Variants in AMD1 observed in about 807,000 individuals in gnomAD.
The protein encoded by AMD1 is S-adenosylmethionine decarboxylase proenzyme.
AMD1 carries 11 observed loss-of-function variants against 40.2 expected under a neutral mutation model. The observed-to-expected ratio is 0.27, with a 90% CI of 0.17 to 0.45. AMD1 has a LOEUF of 0.45. Ranked by LOEUF, AMD1 falls within the 20% of genes least tolerant of loss-of-function variation. AMD1 has a pLI of 1.00. For missense variants in AMD1, 257 were observed against 410.2 expected (o/e 0.63, Z 3.23); for synonymous variants, 121 against 130.8 (o/e 0.93, Z 0.51).
the AMD1 span, chr6:110,856,296 C>A: frequency 4.0e-5 from 6 of 151,718 alleles, no homozygotes; most frequent in African/African-American, 9.7e-5. Context: ...ATGCATACAT[C>A]AAAAAAAATG....
At chr6:110,829,614 A>G in the AMD1 span, among the ~76,000 whole-genome samples, 1 of 151,958 alleles carries the variant, frequency 6.6e-6, no homozygotes. Context: ...GCTTGCAGTG[A>G]GCTGAGATCG....
At chr6:110,871,583 G>A (rs149437756), upstream of AMD1, among the ~76,000 whole-genome samples, 3 of 152,322 alleles carry the variant, frequency 2.0e-5, no homozygotes, top group Non-Finnish European at 1.5e-5. Flanking sequence ...GTAAAGGGTG[G>A]ACCATAAAGA....
the AMD1 span, among the ~76,000 whole-genome samples, chr6:110,838,310 A>ATTGCTTGAT: frequency 6.6e-6 from 1 of 151,200 alleles, no homozygotes; most frequent in Non-Finnish European, 1.5e-5. Flanking sequence ...AATCGCTTGA[A>ATTGCTTGAT]CCCAGGAGGT....
intron 3 of AMD1, 90 bp from the exon 4 acceptor site, chr6:110,890,164 A>T (rs1463881092): frequency 1.0e-6 from 1 of 958,564 alleles, no homozygotes; most frequent in Non-Finnish European, 1.5e-6. Flanking sequence ...AGTTTTTGAT[A>T]TGTGGACAAT....
the AMD1 span, among the ~76,000 whole-genome samples, chr6:110,844,304 T>G: frequency 6.6e-6 from 1 of 151,236 alleles, no homozygotes; most frequent in Admixed American, 6.6e-5. Flanking sequence ...ATTACAGGCA[T>G]GTGCCACAAT....
At chr6:110,875,253 G>A in intron 1 of AMD1, 38 bp downstream of exon 1, 2 of 1,520,814 alleles carry the variant, frequency 1.3e-6, no homozygotes, top group Admixed American at 1.9e-5. Flanking sequence ...CCGGGCCTGG[G>A]GGCTGTCGCC....
At chr6:110,822,110 C>T in the AMD1 span, among the ~76,000 whole-genome samples, 3 of 152,034 alleles carry the variant, frequency 2.0e-5, no homozygotes, top group Non-Finnish European at 4.4e-5. Flanking sequence ...CAGTGGCTCA[C>T]TCCTGTAATC....
chr6:110,882,096 A>G (rs1562336268), intron 1 of AMD1, among the ~76,000 whole-genome samples: 4 of 152,222 alleles, frequency 2.6e-5, no homozygotes, highest in South Asian at 4.1e-4. Context: ...CAAGACCACT[A>G]TCACTACTGA....
chr6:110,892,325 A>G lies in AMD1; in HGVS notation c.497A>G (p.Glu166Gly). ...CWYLYTLDFP[E>G]SRVISQPDQT... ...TACTTATATACTCTGGATTTCCCAG[A>G]GAGTCGGGTAATCAGTCAGCCAGAT... Residue 166 changes from glutamate (E) to glycine (G), a missense_variant, in exon 6 of 9, where the codon GAG (glutamate) becomes GGG (glycine). Around this residue, in one of 3 missense-constraint regions of AMD1, gnomAD observed 192 missense variants for 296.5 expected, o/e 0.65. Transcript: ENST00000368885. 3 of 1,613,706 alleles carry G rather than the reference A, an allele frequency of 1.9e-6. No homozygotes were observed. Among genetic ancestry groups the G allele is most frequent in the Non-Finnish European group, 2.5e-6 (3 of 1,180,018 alleles).
At chr6:110,849,307 T>C in the AMD1 span, among the ~76,000 whole-genome samples, 1 of 152,256 alleles carries the variant, frequency 6.6e-6, no homozygotes, top group Non-Finnish European at 1.5e-5. Context: ...CCACCTACAG[T>C]AAAAAGGACT....
chr6:110,842,309 G>C, the AMD1 span, among the ~76,000 whole-genome samples: 3 of 152,186 alleles, frequency 2.0e-5, no homozygotes, highest in African/African-American at 7.2e-5. Context: ...TCCAGACCAG[G>C]GGGCAGATAT....
the AMD1 span, among the ~76,000 whole-genome samples, chr6:110,864,918 C>A: frequency 6.6e-6 from 1 of 152,334 alleles, no homozygotes; most frequent in Admixed American, 6.5e-5. Flanking sequence ...CAAACTTAAA[C>A]ATCCACTCCT....
the AMD1 span, among the ~76,000 whole-genome samples, chr6:110,817,719 A>T: frequency 1.3e-5 from 2 of 152,356 alleles, no homozygotes; most frequent in African/African-American, 4.8e-5. Flanking sequence ...CCATTGGGGA[A>T]TTAAACCTGA....
At chr6:110,860,811 A>AAAAAC in the AMD1 span, among the ~76,000 whole-genome samples, 1 of 148,968 alleles carries the variant, frequency 6.7e-6, no homozygotes, top group Non-Finnish European at 1.5e-5. Flanking sequence ...GAAAAAAAAC[A>AAAAAC]AAAACAAAAC....
At chr6:110,887,164 TC>T (rs1326728940) in intron 1 of AMD1, among the ~76,000 whole-genome samples, 1 of 152,202 alleles carries the variant, frequency 6.6e-6, no homozygotes, top group Non-Finnish European at 1.5e-5. Context: ...AGGTTAAAAA[TC>T]TGCACATTTT....
At chr6:110,833,557 CTT>C in the AMD1 span, among the ~76,000 whole-genome samples, 2 of 152,188 alleles carry the variant, frequency 1.3e-5, no homozygotes, top group African/African-American at 4.8e-5. Context: ...TTCTCAGTGA[CTT>C]TATTATTTAT....
chr6:110,820,240 C>CTTTTTT, the AMD1 span, among the ~76,000 whole-genome samples: 142 of 141,992 alleles, frequency 1.0e-3, no homozygotes, highest in East Asian at 6.1e-3. Flanking sequence ...TTCTTTCTTT[C>CTTTTTT]TTTTTTTTTT....
chr6:110,890,244 T>G lies in AMD1; in HGVS notation c.325-10T>G. The G allele has an allele frequency of 6.5e-7, 1 of 1,535,870 alleles. No homozygotes were observed. Among genetic ancestry groups the G allele is most frequent in the Non-Finnish European group, 8.8e-7 (1 of 1,140,780 alleles). ...ATCTTTTTTTTTCTTTCTTTTCTTT[T>G]TTAATAAAGAGCTTCTTTTATTCTC... On this transcript the variant is annotated splice_polypyrimidine_tract_variant and intron_variant, in intron 3 of 8. Coordinates refer to ENST00000368885, the MANE Select transcript of AMD1 (RefSeq NM_001634.6).
At chr6:110,833,496 G>A in the AMD1 span, among the ~76,000 whole-genome samples, 1 of 152,196 alleles carries the variant, frequency 6.6e-6, no homozygotes. Flanking sequence ...TCTGGAGAAA[G>A]AATTGCAATG....
Sources: gnomAD v4.1 joint callset for allele counts (sites outside exome capture counted in the v4.1 genomes callset) on GRCh38, gnomAD v4.1.1 for gene constraint, gnomAD v4.1.1 regional missense constraint, MANE v1.5 for transcripts, NCBI Gene and HGNC (gene_info 2026-07-23, HGNC 2026-07-21) for gene names.